EPAS1: variants seen among roughly 807,000 people sequenced by gnomAD.
The protein encoded by EPAS1 is endothelial PAS domain-containing protein 1.
In EPAS1, 23 loss-of-function variants were observed where a neutral mutation model predicts 87.9. The observed-to-expected ratio is 0.26, with a 90% CI of 0.19 to 0.37. The LOEUF (loss-of-function observed/expected upper bound fraction) is 0.37, where lower values mean the gene tolerates loss of function less well. Among genes scored for constraint, EPAS1 ranks in the 10% least tolerant of loss-of-function variants. EPAS1 has a pLI of 1.00. For missense variants in EPAS1, 1,138 were observed against 1,120.7 expected, an observed-to-expected ratio of 1.02 and a Z score of -0.22; for synonymous variants, 508 against 444.3, an observed-to-expected ratio of 1.14 and a Z score of -1.80.
chr2:46,378,003 C>G lies in EPAS1; in HGVS notation c.1359C>G (p.Ser453Arg), dbSNP rs1378483163. Residue 453 changes from serine to arginine, a missense_variant, in exon 10 of 16, where the codon AGC becomes AGG. Coordinates refer to ENST00000263734, the MANE Select transcript of EPAS1 (RefSeq NM_001430.5). Reference sequence around the variant, plus strand: ...ACAGCACCCAGAGCGAGGCTGGGAGCCTGCCTGCCTTCACCGTGCCCCAGG... The same window carrying G: ...ACAGCACCCAGAGCGAGGCTGGGAGGCTGCCTGCCTTCACCGTGCCCCAGG... ...RSHSTQSEAG[S>R]LPAFTVPQAA... The G allele has an allele frequency of 1.3e-6, 2 of 1,593,658 alleles. No homozygotes were observed. The highest frequency in any genetic ancestry group is 1.7e-6 in the Non-Finnish European group (2 of 1,170,354).
chr2:46,381,862 G>T, intron 13 of EPAS1, 113 bp from the exon 14 acceptor site: 8 of 1,539,502 alleles, frequency 5.2e-6, no homozygotes, highest in Non-Finnish European at 7.0e-6. Flanking sequence ...GTGGGGATGT[G>T]GCCCTTCCAA....
chr2:46,378,734 G>C lies in EPAS1; in HGVS notation c.1521G>C (p.Met507Ile). ...AAGTGATTGAGAAGCTCTTCGCCATGGACACAGAGGCCAAGGACCAATGCA... is the reference window on the plus strand; with the variant it reads ...AAGTGATTGAGAAGCTCTTCGCCATCGACACAGAGGCCAAGGACCAATGCA... ...KIEVIEKLFA[M>I]DTEAKDQCST... Residue 507 changes from methionine to isoleucine, a missense_variant, in exon 11 of 16, where the codon ATG (methionine) becomes ATC (isoleucine). Physicochemically the swap from Met to Ile is conservative, Grantham distance 10. Coordinates refer to ENST00000263734, the MANE Select transcript of EPAS1 (RefSeq NM_001430.5). The C allele has an allele frequency of 1.2e-6, 2 of 1,614,186 alleles. No homozygotes were observed. Among genetic ancestry groups the C allele is most frequent in the Non-Finnish European group, 8.5e-7 (1 of 1,179,994 alleles).
intron 1 of EPAS1, among the ~76,000 whole-genome samples, chr2:46,309,168 C>G (rs1318178353): frequency 6.6e-6 from 1 of 152,206 alleles, no homozygotes; most frequent in African/African-American, 2.4e-5. Context: ...CAGGTAGACA[C>G]TTTGCTCACA....
At chr2:46,379,754 G>A in intron 11 of EPAS1, 1 of 224,046 alleles carries the variant, frequency 4.5e-6, no homozygotes, top group South Asian at 7.6e-5. Flanking sequence ...CTCTGCGAGA[G>A]TCCACAGATG....
chr2:46,368,392 A>G (rs1451026664), intron 6 of EPAS1, among the ~76,000 whole-genome samples: 2 of 152,186 alleles, frequency 1.3e-5, no homozygotes, highest in Admixed American at 6.5e-5. Context: ...CAGAGGGTAC[A>G]TAACATTTTA....
chr2:46,378,975 G>C (rs1215786197), intron 11 of EPAS1, among the ~76,000 whole-genome samples: 2 of 152,186 alleles, frequency 1.3e-5, no homozygotes, highest in Non-Finnish European at 2.9e-5. Flanking sequence ...AGCTCTTCCA[G>C]CATATGTGTC....
At chr2:46,299,147 C>G (rs1441004620) in intron 1 of EPAS1, among the ~76,000 whole-genome samples, 1 of 152,350 alleles carries the variant, frequency 6.6e-6, no homozygotes, top group Admixed American at 6.5e-5. Context: ...TGCTCTTGTT[C>G]CAACTTCCAC....
intron 1 of EPAS1, among the ~76,000 whole-genome samples, chr2:46,305,552 T>A (rs1403121788): frequency 6.6e-6 from 1 of 152,188 alleles, no homozygotes; most frequent in Non-Finnish European, 1.5e-5. Context: ...CCTTTTCTCA[T>A]GTGGAAAAAT....
intron 1 of EPAS1, among the ~76,000 whole-genome samples, chr2:46,331,618 G>T (rs1164767409): frequency 6.6e-6 from 1 of 152,120 alleles, no homozygotes; most frequent in Non-Finnish European, 1.5e-5. Context: ...TGAAGCCAAA[G>T]CTCCGAGGTT....
intron 1 of EPAS1, 119 bp downstream of exon 1, chr2:46,298,056 C>A: frequency 7.5e-7 from 1 of 1,324,856 alleles, no homozygotes; most frequent in Non-Finnish European, 1.1e-6. Context: ...GAGCTCGAGG[C>A]TCGGTTTGGA....
chr2:46,362,854 T>C (rs1684421240), intron 6 of EPAS1, among the ~76,000 whole-genome samples: 1 of 152,168 alleles, frequency 6.6e-6, no homozygotes, highest in South Asian at 2.1e-4. Flanking sequence ...GGTAGTTATA[T>C]AAGTAGAAAG....
intron 2 of EPAS1, among the ~76,000 whole-genome samples, chr2:46,351,199 A>G (rs538621815): frequency 5.3e-5 from 8 of 152,232 alleles, no homozygotes; most frequent in Non-Finnish European, 1.0e-4. Context: ...GCTAATATAC[A>G]GTCTCTTCTA....
chr2:46,304,707 A>G (rs1683074309), intron 1 of EPAS1, among the ~76,000 whole-genome samples: 1 of 152,130 alleles, frequency 6.6e-6, no homozygotes, highest in Non-Finnish European at 1.5e-5. Flanking sequence ...TGGTGGCAAG[A>G]CTTCAATAAT....
chr2:46,342,259 C>G (rs1401548469), intron 1 of EPAS1, among the ~76,000 whole-genome samples: 3 of 152,194 alleles, frequency 2.0e-5, no homozygotes, highest in African/African-American at 7.2e-5. Flanking sequence ...TCTCTGGAAC[C>G]TGGAGCTGGG....
At chr2:46,357,128 T>A (rs1684285532) in intron 4 of EPAS1, among the ~76,000 whole-genome samples, 1 of 152,172 alleles carries the variant, frequency 6.6e-6, no homozygotes, top group African/African-American at 2.4e-5. Flanking sequence ...CCCAAACCAA[T>A]GAGGAACTAG....
intron 13 of EPAS1, 63 bp downstream of exon 13, chr2:46,381,785 AGAGGGGTGGGGATGTG>A: frequency 1.2e-6 from 2 of 1,607,400 alleles, no homozygotes; most frequent in Admixed American, 1.7e-5. Flanking sequence ...AGGGCTGCTG[AGAGGGGTGGGGATGTG>A]GCCCTTCCAA....
intron 4 of EPAS1, among the ~76,000 whole-genome samples, chr2:46,359,458 C>A (rs2103634095): frequency 6.6e-6 from 1 of 151,858 alleles, no homozygotes; most frequent in Non-Finnish European, 1.5e-5. Context: ...GCTAACCCCA[C>A]CTCTGAAAAT....
At chr2:46,325,185 A>G (rs553814028) in intron 1 of EPAS1, among the ~76,000 whole-genome samples, 68 of 152,360 alleles carry the variant, frequency 4.5e-4, no homozygotes, top group Non-Finnish European at 1.0e-4. Context: ...TCCAGTGGGC[A>G]GTGCTCTGTA....
chr2:46,384,783 G>A lies in EPAS1; in HGVS notation c.*123G>A. 1.5e-6 allele frequency: 2 copies of A among 1,343,788 alleles called. No homozygotes were observed. The highest frequency in any genetic ancestry group is 2.1e-6 in the Non-Finnish European group (2 of 975,566). The allele number at this position is 1,343,788 out of a possible 1,614,324, so 83.2% of individuals were successfully genotyped here. A position where few individuals can be genotyped will look rare whatever the true frequency, so the allele number is the denominator to read the frequency against. ...CACTATTTACAAGATGGACTTACCT[G>A]GCAGACTTGCCCAGGTCACCAAGCA... is the stretch of plus-strand genomic sequence containing the variant. On this transcript the variant is annotated 3_prime_UTR_variant, in exon 16 of 16. Coordinates refer to ENST00000263734, the MANE Select transcript of EPAS1 (RefSeq NM_001430.5).
Sources: allele counts gnomAD v4.1 joint callset (sites outside exome capture counted in the v4.1 genomes callset), GRCh38; gene constraint gnomAD v4.1.1; transcripts MANE v1.5; gene names NCBI Gene and HGNC (gene_info 2026-07-23, HGNC 2026-07-21).